WDR86: variants seen among roughly 807,000 people sequenced by gnomAD.
WDR86 encodes the protein WD repeat domain 86.
A neutral mutation model predicts 36.5 loss-of-function variants in WDR86; 30 were observed. The ratio of observed to expected loss-of-function variants is 0.82; its 90% CI spans 0.61 to 1.11. The LOEUF is 1.11. Among genes scored for constraint, WDR86 ranks in the 50% most tolerant of loss-of-function variants. The pLI is 0.00. For synonymous variants in WDR86, 255 were observed against 252.9 expected, an observed-to-expected ratio of 1.01 and a Z score of -0.08; for missense variants, 545 against 561.2, an observed-to-expected ratio of 0.97 and a Z score of 0.29.
chr7:151,393,762 C>T (rs1387366657), intron 3 of WDR86, among the ~76,000 whole-genome samples: 1 of 152,120 alleles, frequency 6.6e-6, no homozygotes, highest in Non-Finnish European at 1.5e-5. Context: ...GCCTCGGATG[C>T]CCCCAGCTCT....
rs1342218343 is a variant in WDR86 at position 151,396,068 on chromosome 7, T to C, written c.434A>G (p.Tyr145Cys). Residue 145 changes from tyrosine (Y) to cysteine (C), a missense_variant, in exon 3 of 6, where the codon TAC becomes TGC. Transcript: ENST00000334493. ...GCTGGGGAGGTCCCACGGGGCAGAGTAGGCTAGGGTCAGCACGCAGTTGCG... is the reference window on the plus strand; with the variant it reads ...GCTGGGGAGGTCCCACGGGGCAGAGCAGGCTAGGGTCAGCACGCAGTTGCG... ...GHRNCVLTLA[Y>C]SAPWDLPSTP... 2.5e-6 allele frequency: 4 copies of C among 1,612,316 alleles called. No individual in the cohort carries two copies. In the South Asian group the frequency reaches 3.3e-5, roughly 13 times the overall value.
chr7:151,400,590 T>C (rs12668760), intron 1 of WDR86, among the ~76,000 whole-genome samples: 106,394 of 152,050 alleles, frequency 0.7, 37,311 homozygotes, highest in East Asian at 0.81. Context: ...GCCATGTTAG[T>C]CAGGCTGGTC....
intron 1 of WDR86, among the ~76,000 whole-genome samples, chr7:151,400,750 A>G (rs894447626): frequency 6.6e-6 from 1 of 152,228 alleles, no homozygotes; most frequent in South Asian, 2.1e-4. Flanking sequence ...GGTACCAGTG[A>G]GGCACGACAG....
intron 1 of WDR86, among the ~76,000 whole-genome samples, chr7:151,407,546 T>C (rs1800800175): frequency 6.6e-6 from 1 of 152,172 alleles, no homozygotes. Context: ...TTGTTAGAAA[T>C]GCCAATTCTA....
intron 4 of WDR86, among the ~76,000 whole-genome samples, chr7:151,383,999 A>G (rs1047625968): frequency 2.0e-5 from 3 of 152,170 alleles, no homozygotes; most frequent in African/African-American, 7.2e-5. Flanking sequence ...CCGTAACCAC[A>G]CTTCCAGCCT....
chr7:151,396,317 T>C, intron 2 of WDR86, 121 bp from the exon 3 acceptor site: 1 of 1,169,676 alleles, frequency 8.5e-7, no homozygotes. Context: ...TCTGCCCAGC[T>C]TGCCACACTC....
chr7:151,402,089 A>ATATATATATATATATC (rs1213348920), intron 1 of WDR86, among the ~76,000 whole-genome samples: 1 of 124,304 alleles, frequency 8.0e-6, no homozygotes, highest in Non-Finnish European at 1.7e-5. Context: ...ATATATATAT[A>ATATATATATATATATC]TATCTCCACA....
intron 1 of WDR86, among the ~76,000 whole-genome samples, chr7:151,400,594 G>T (rs1339316142): frequency 6.6e-6 from 1 of 152,160 alleles, no homozygotes. Flanking sequence ...TGTTAGTCAG[G>T]CTGGTCTCGA....
chr7:151,370,503 A>T, the WDR86 span, among the ~76,000 whole-genome samples: 100,005 of 152,004 alleles, frequency 0.66, 33,462 homozygotes, highest in East Asian at 0.89. Flanking sequence ...ACCAGTAAGA[A>T]TTTATTATTT....
chr7:151,374,185 C>G (rs377172702), downstream of WDR86: 2 of 1,574,202 alleles, frequency 1.3e-6, no homozygotes, highest in Non-Finnish European at 1.7e-6. Context: ...GGCTACTCCA[C>G]GCACGCGGCC....
At chr7:151,385,505 C>T (rs1340199140) in intron 3 of WDR86, among the ~76,000 whole-genome samples, 1 of 152,222 alleles carries the variant, frequency 6.6e-6, no homozygotes, top group East Asian at 1.9e-4. Flanking sequence ...AGCTGCTTCC[C>T]CTGAGGATTA....
chr7:151,404,214 A>G (rs933058153), intron 1 of WDR86, among the ~76,000 whole-genome samples: 3 of 150,694 alleles, frequency 2.0e-5, no homozygotes, highest in East Asian at 3.9e-4. Flanking sequence ...ACAGGCAATG[A>G]TGAAAGGAAG....
intron 3 of WDR86, among the ~76,000 whole-genome samples, chr7:151,391,661 G>A (rs538399950): frequency 1.3e-4 from 20 of 152,278 alleles, no homozygotes; most frequent in Admixed American, 3.3e-4. Flanking sequence ...AGGGAAGAAA[G>A]AGGGAATCTT....
intron 1 of WDR86, 109 bp from the exon 2 acceptor site, chr7:151,400,350 T>C (rs1800195603): frequency 1.7e-6 from 2 of 1,197,220 alleles, no homozygotes; most frequent in African/African-American, 3.2e-5. Context: ...AGGGAGTGTT[T>C]GAGACAAGCT....
rs1319861561 is a variant in WDR86 at position 151,381,490 on chromosome 7, C to A, written c.*92G>T. ...GGCTTCCTCGCTCCTCGCCCCTCGCCGGCCATCGGGCGCCACCACCGCGGG... is the reference window on the plus strand; with the variant it reads ...GGCTTCCTCGCTCCTCGCCCCTCGCAGGCCATCGGGCGCCACCACCGCGGG... On this transcript the variant is annotated 3_prime_UTR_variant, in exon 6 of 6. Transcript: ENST00000334493. This position sits in a 1 kb window ranked among gnomAD's most constrained non-coding sequence, Gnocchi z 4.8. 1.4e-6 allele frequency: 2 copies of A among 1,463,972 alleles called. No homozygotes were observed. Among genetic ancestry groups the A allele is most frequent in the African/African-American group, 1.5e-5 (1 of 67,282 alleles). 90.7% of individuals were successfully genotyped at this position (1,463,972 alleles called of 1,614,324 possible).
downstream of WDR86, among the ~76,000 whole-genome samples, chr7:151,373,306 TTTG>T (rs1306048196): frequency 6.6e-6 from 1 of 152,238 alleles, no homozygotes; most frequent in African/African-American, 2.4e-5. Flanking sequence ...TCAAACTTGC[TTTG>T]TTGTTGTTGT....
Position 151,406,756 on chromosome 7 carries a change from C to T in WDR86, c.163+2671G>A, listed in dbSNP as rs1042553194. 1.3e-5 allele frequency among the ~76,000 whole-genome samples: 2 copies of T among 152,136 alleles called. No individual in the cohort carries two copies. Among genetic ancestry groups the T allele is most frequent in the Non-Finnish European group, 1.5e-5 (1 of 68,038 alleles). ...GGTATCTAGAAAACAACAAGAATGC[C>T]GTGTATGCTGCTCATGAGTCTGCAC... On this transcript the variant is annotated intron_variant, in intron 1 of 5. Coordinates refer to ENST00000334493, the MANE Select transcript of WDR86 (RefSeq NM_198285.3). The surrounding 1 kb of genome is among the most constrained non-coding windows in gnomAD (Gnocchi z 4.4).
At chr7:151,386,934 C>A (rs931151108) in intron 3 of WDR86, among the ~76,000 whole-genome samples, 1 of 152,218 alleles carries the variant, frequency 6.6e-6, no homozygotes, top group Non-Finnish European at 1.5e-5. Context: ...CTGTGATCCT[C>A]CCTTTTCCTT....
chr7:151,398,292 ATGT>A (rs1800018899), intron 2 of WDR86, among the ~76,000 whole-genome samples: 1 of 151,570 alleles, frequency 6.6e-6, no homozygotes, highest in African/African-American at 2.4e-5. Flanking sequence ...GTGCATATGT[ATGT>A]TGTGTGTATG....
Sources: allele counts gnomAD v4.1 joint callset (sites outside exome capture counted in the v4.1 genomes callset), GRCh38; gene constraint gnomAD v4.1.1; non-coding constraint Gnocchi (gnomAD v3.1); transcripts MANE v1.5; gene names NCBI Gene and HGNC (gene_info 2026-07-23, HGNC 2026-07-21).